The following PRKCH variants were observed in gnomAD, a reference collection of about 807,000 sequenced individuals.
PRKCH encodes the protein protein kinase C eta type.
PRKCH carries 28 observed loss-of-function variants against 82.5 expected under a neutral mutation model. The observed-to-expected ratio is 0.34, with a 90% CI of 0.25 to 0.47. The LOEUF is 0.47. Ranked by LOEUF, PRKCH falls within the 20% of genes least tolerant of loss-of-function variation. The probability of loss-of-function intolerance (pLI) is 1.00; values close to 1 mark genes in which losing one functional copy is unlikely to be tolerated. For synonymous variants in PRKCH, 322 were observed against 327.4 expected (o/e 0.98, Z 0.18); for missense variants, 705 against 881.8 (o/e 0.80, Z 2.54).
intron 1 of PRKCH, among the ~76,000 whole-genome samples, chr14:61,367,715 C>G (rs1263516079): frequency 7.7e-6 from 1 of 130,142 alleles, no homozygotes; most frequent in East Asian, 2.2e-4. Flanking sequence ...CTGGAGAACT[C>G]CTTTTTTTTT....
At chr14:61,296,867 G>A (rs984216155) in intron 1 of PRKCH, among the ~76,000 whole-genome samples, 20 of 152,288 alleles carry the variant, frequency 1.3e-4, no homozygotes, top group African/African-American at 3.9e-4. Flanking sequence ...ATAAGTTATG[G>A]TTTCAGGTTT....
intron 1 of PRKCH, among the ~76,000 whole-genome samples, chr14:61,196,886 T>C (rs148998136): frequency 6.6e-6 from 1 of 152,316 alleles, no homozygotes; most frequent in African/African-American, 2.4e-5. Flanking sequence ...TATTAAGTGC[T>C]ATCACTTCAA....
At chr14:61,407,657 A>T (rs1209270804) in intron 2 of PRKCH, among the ~76,000 whole-genome samples, 2 of 152,138 alleles carry the variant, frequency 1.3e-5, no homozygotes, top group Non-Finnish European at 2.9e-5. Flanking sequence ...CGGGTGTTGG[A>T]CGTCCTCATT....
At chr14:61,436,380 G>A (rs181096954) in intron 2 of PRKCH, among the ~76,000 whole-genome samples, 3 of 151,574 alleles carry the variant, frequency 2.0e-5, no homozygotes, top group Non-Finnish European at 4.4e-5. Context: ...CTGTTGATTT[G>A]GGTCTCCACA....
chr14:61,318,106 C>G (rs889997100), upstream of PRKCH, among the ~76,000 whole-genome samples: 1 of 151,884 alleles, frequency 6.6e-6, no homozygotes, highest in African/African-American at 2.4e-5. Context: ...CAGGATCTCA[C>G]TCTGTCACCC....
chr14:61,433,052 A>ACAAAAAAAAC (rs1883494764), intron 2 of PRKCH, among the ~76,000 whole-genome samples: 1 of 149,740 alleles, frequency 6.7e-6, no homozygotes, highest in African/African-American at 2.5e-5. Flanking sequence ...TCAAAAAAAA[A>ACAAAAAAAAC]AAAAAAAAAC....
chr14:61,260,452 C>T (rs932313583), intron 1 of PRKCH, among the ~76,000 whole-genome samples: 1 of 152,008 alleles, frequency 6.6e-6, no homozygotes, highest in Non-Finnish European at 1.5e-5. Flanking sequence ...GAGGGCCCAT[C>T]AAGAAAAATA....
rs1398695782 is a variant in PRKCH at position 61,453,314 on chromosome 14, A to G, written c.921A>G (p.Ala307=). Residue 307 remains alanine (A), a synonymous_variant, in exon 7 of 14, where the codon GCA becomes GCG. Transcript: ENST00000332981. ...VNAVELAKTL[A]GMGLQPGNIS... Reference sequence around the variant, plus strand: ...CGGTGGAACTTGCCAAGACCCTGGCAGGGATGGGTCTCCAACCCGGAAATA... The same window carrying G: ...CGGTGGAACTTGCCAAGACCCTGGCGGGGATGGGTCTCCAACCCGGAAATA... 1 of 1,613,996 alleles carries G rather than the reference A, an allele frequency of 6.2e-7. No individual in the cohort carries two copies. Among genetic ancestry groups the G allele is most frequent in the Non-Finnish European group, 8.5e-7 (1 of 1,179,982 alleles).
At chr14:61,428,090 CACACACATATATATAT>C (rs1284350678) in intron 2 of PRKCH, among the ~76,000 whole-genome samples, 1 of 117,028 alleles carries the variant, frequency 8.5e-6, no homozygotes, top group Non-Finnish European at 1.8e-5. Context: ...CACACACACA[CACACACATATATATAT>C]ACACACATAT....
chr14:61,277,452 C>T (rs1363349850), intron 1 of PRKCH: 5 of 152,192 alleles, frequency 3.3e-5, no homozygotes, highest in Non-Finnish European at 1.5e-5. Context: ...TTTTCTATCT[C>T]ACTTCCTGAA....
intron 1 of PRKCH, among the ~76,000 whole-genome samples, chr14:61,310,119 GCCAA>G (rs2045511386): frequency 1.3e-5 from 2 of 152,096 alleles, no homozygotes; most frequent in Non-Finnish European, 2.9e-5. Flanking sequence ...GGGGCACAGA[GCCAA>G]ACCATATCAT....
intron 1 of PRKCH, among the ~76,000 whole-genome samples, chr14:61,216,920 G>A (rs1156948601): frequency 6.6e-6 from 1 of 152,186 alleles, no homozygotes; most frequent in Non-Finnish European, 1.5e-5. Context: ...GTTGCATACT[G>A]TGGAATATTA....
chr14:61,541,883 A>G (rs947349859), intron 12 of PRKCH, among the ~76,000 whole-genome samples: 1 of 152,232 alleles, frequency 6.6e-6, no homozygotes, highest in African/African-American at 2.4e-5. Context: ...ACAAGATGTG[A>G]TAAGCACCAT....
intron 1 of PRKCH, among the ~76,000 whole-genome samples, chr14:61,370,923 A>G (rs888532640): frequency 6.6e-6 from 1 of 152,066 alleles, no homozygotes; most frequent in Non-Finnish European, 1.5e-5. Context: ...GACACTGGCC[A>G]GCTGGAGACA....
At chr14:61,193,143 T>C (rs1053209034) in intron 1 of PRKCH, among the ~76,000 whole-genome samples, 2 of 152,208 alleles carry the variant, frequency 1.3e-5, no homozygotes, top group Non-Finnish European at 2.9e-5. Context: ...GAAGTAATTA[T>C]GGACATCTGG....
intron 9 of PRKCH, among the ~76,000 whole-genome samples, chr14:61,468,572 A>G (rs929591516): frequency 6.6e-6 from 1 of 152,192 alleles, no homozygotes; most frequent in Non-Finnish European, 1.5e-5. Flanking sequence ...ACAAAAATGA[A>G]TAGGAATAAG....
chr14:61,362,627 G>A (rs1306782768), intron 1 of PRKCH, among the ~76,000 whole-genome samples: 1 of 152,182 alleles, frequency 6.6e-6, no homozygotes, highest in African/African-American at 2.4e-5. Context: ...GTAATCAAAT[G>A]TTCCTCTCTA....
chr14:61,349,545 G>A (rs2046043167), intron 1 of PRKCH, among the ~76,000 whole-genome samples: 1 of 152,144 alleles, frequency 6.6e-6, no homozygotes, highest in African/African-American at 2.4e-5. Context: ...GACTCTTTTG[G>A]TAGGAAATGG....
intron 2 of PRKCH, among the ~76,000 whole-genome samples, chr14:61,436,590 T>C (rs1384183100): frequency 1.3e-5 from 2 of 152,218 alleles, no homozygotes; most frequent in African/African-American, 4.8e-5. Flanking sequence ...TGGAGTATAA[T>C]GGCGTGATCT....
Sources: gnomAD v4.1 joint callset for allele counts (sites outside exome capture counted in the v4.1 genomes callset) on GRCh38, gnomAD v4.1.1 for gene constraint, MANE v1.5 for transcripts, NCBI Gene and HGNC (gene_info 2026-07-23, HGNC 2026-07-21) for gene names.